Variants in IL1RAPL1 observed in about 807,000 individuals in gnomAD.
The protein encoded by IL1RAPL1 is interleukin-1 receptor accessory protein-like 1.
In IL1RAPL1, 3 loss-of-function variants were observed where a neutral mutation model predicts 48.4. The observed-to-expected ratio is 0.06, with a 90% CI of 0.03 to 0.16. The LOEUF (loss-of-function observed/expected upper bound fraction) is 0.16. IL1RAPL1 is among the 10% of genes least tolerant of loss of function. The probability of loss-of-function intolerance (pLI) is 1.00; values close to 1 mark genes in which losing one functional copy is unlikely to be tolerated. For synonymous variants in IL1RAPL1, 185 were observed against 187.7 expected (o/e 0.99, Z 0.12); for missense variants, 349 against 530.6 (o/e 0.66, Z 3.36).
intron 2 of IL1RAPL1, among the ~76,000 whole-genome samples, chrX:29,260,532 G>A (rs181501883): frequency 4.5e-5 from 5 of 111,404 alleles, no homozygotes; most frequent in East Asian, 5.7e-4. Flanking sequence ...GAGGGAAACC[G>A]CCCCTATGAT....
chrX:29,200,576 A>G (rs1051581841), intron 2 of IL1RAPL1, among the ~76,000 whole-genome samples: 3 of 111,135 alleles, frequency 2.7e-5, no homozygotes, highest in African/African-American at 9.8e-5. Context: ...GTTTGCAGGT[A>G]CTCCATTTTT....
chrX:29,925,421 T>TTTTG (rs1363851707), intron 8 of IL1RAPL1, among the ~76,000 whole-genome samples: 1 of 20,144 alleles, frequency 5.0e-5, no homozygotes, highest in Non-Finnish European at 9.7e-5. Context: ...TGTTTTTTTT[T>TTTTG]TTTTTTTTTT....
intron 6 of IL1RAPL1, among the ~76,000 whole-genome samples, chrX:29,718,530 A>G (rs1392143382): frequency 9.4e-6 from 1 of 106,808 alleles, no homozygotes; most frequent in Non-Finnish European, 1.9e-5. Flanking sequence ...GGGTGCAGCT[A>G]ACCACCAGGG....
rs143205173 is a variant in IL1RAPL1, at chrX:29,533,830, T to G, written c.703+134522T>G. On this transcript the variant is annotated intron_variant, in intron 5 of 10. Coordinates refer to ENST00000378993, the MANE Select transcript of IL1RAPL1 (RefSeq NM_014271.4). ...TGTTTCATACTATCTTAGCTTATTT[T>G]CATAGATAATCCATTTGCTAGAGTT... Among the ~76,000 whole-genome samples, 831 of 112,044 alleles carry G rather than the reference T, an allele frequency of 7.4e-3. 6 individuals are homozygous for G. Among genetic ancestry groups the G allele is most frequent in the African/African-American group, 0.025 (782 of 30,810 alleles).
intron 8 of IL1RAPL1, among the ~76,000 whole-genome samples, chrX:29,930,377 C>T (rs1186648791): frequency 8.9e-6 from 1 of 111,966 alleles, no homozygotes; most frequent in South Asian, 3.7e-4. Flanking sequence ...GCAAACCACA[C>T]TGGACAAATT....
At chrX:28,982,786 G>C (rs768970805) in intron 2 of IL1RAPL1, 1 of 111,129 alleles carries the variant, frequency 9.0e-6, no homozygotes, top group Non-Finnish European at 1.9e-5. Context: ...CTTGTCCAAA[G>C]TTCTTAAACG....
intron 2 of IL1RAPL1, among the ~76,000 whole-genome samples, chrX:29,280,294 C>T (rs1932180934): frequency 8.9e-6 from 1 of 111,896 alleles, no homozygotes; most frequent in Non-Finnish European, 1.9e-5. Context: ...GGAATTATGA[C>T]AATGACTCAG....
intron 6 of IL1RAPL1, among the ~76,000 whole-genome samples, chrX:29,678,921 GAGTGA>G (rs1266504710): frequency 9.0e-6 from 1 of 111,284 alleles, no homozygotes; most frequent in Non-Finnish European, 1.9e-5. Flanking sequence ...GAGTCCAAGA[GAGTGA>G]ATAATTTTCT....
chrX:28,688,633 T>A (rs1038836221), intron 1 of IL1RAPL1, among the ~76,000 whole-genome samples: 3 of 112,050 alleles, frequency 2.7e-5, no homozygotes, highest in Non-Finnish European at 3.8e-5. Context: ...TTAGAGGGGC[T>A]CTGGGGCTTG....
intron 1 of IL1RAPL1, among the ~76,000 whole-genome samples, chrX:28,743,373 A>T (rs754707839): frequency 8.1e-5 from 9 of 111,710 alleles, no homozygotes; most frequent in Non-Finnish European, 1.7e-4. Context: ...GACTTTTCCG[A>T]AACATAATTT....
chrX:29,305,836 A>G (rs182711300), intron 3 of IL1RAPL1, among the ~76,000 whole-genome samples: 2 of 112,227 alleles, frequency 1.8e-5, no homozygotes, highest in South Asian at 3.7e-4. Flanking sequence ...AATTTGAGCC[A>G]TGAGATGTGT....
At chrX:29,093,017 G>A (rs1193447766) in intron 2 of IL1RAPL1, among the ~76,000 whole-genome samples, 1 of 111,602 alleles carries the variant, frequency 9.0e-6, no homozygotes, top group Non-Finnish European at 1.9e-5. Context: ...AGTCATTACT[G>A]CCATGTTGCT....
intron 9 of IL1RAPL1, among the ~76,000 whole-genome samples, chrX:29,952,766 A>G (rs968127624): frequency 8.9e-6 from 1 of 112,280 alleles, no homozygotes; most frequent in Non-Finnish European, 1.9e-5. Context: ...GAAATGCCAA[A>G]ATATGACACA....
chrX:29,437,799 A>G (rs910461848), intron 5 of IL1RAPL1, among the ~76,000 whole-genome samples: 2 of 110,473 alleles, frequency 1.8e-5, no homozygotes, highest in Non-Finnish European at 3.8e-5. Context: ...CTTCTTTCAT[A>G]TATCACTCAA....
chrX:28,901,094 A>C (rs960052023), intron 2 of IL1RAPL1, among the ~76,000 whole-genome samples: 1 of 111,974 alleles, frequency 8.9e-6, no homozygotes, highest in Non-Finnish European at 1.9e-5. Context: ...AGCGAGTAAC[A>C]AAACAATGGA....
At chrX:29,371,156 G>A (rs1388425021) in intron 3 of IL1RAPL1, among the ~76,000 whole-genome samples, 1 of 69,530 alleles carries the variant, frequency 1.4e-5, no homozygotes, top group Non-Finnish European at 2.5e-5. Context: ...TTTTGAGACA[G>A]AGTCTTACTC....
At chrX:28,851,618 G>A (rs184447690) in intron 2 of IL1RAPL1, among the ~76,000 whole-genome samples, 2 of 111,642 alleles carry the variant, frequency 1.8e-5, no homozygotes, top group African/African-American at 6.5e-5. Flanking sequence ...AGTTACCATC[G>A]AAGGAGCAGC....
Position 29,430,430 on chromosome X carries a change from T to TG in IL1RAPL1, c.703+31125dup, listed in dbSNP as rs758401795. ...GTTTCTGACTGTGTATAGGAGAAAA[T>TG]GGGTCCTCAGATTTCCACCACAGGG... On this transcript the variant is annotated intron_variant, in intron 5 of 10. Coordinates refer to ENST00000378993, the MANE Select transcript of IL1RAPL1 (RefSeq NM_014271.4). Among the ~76,000 whole-genome samples the TG allele has an allele frequency of 4.5e-5, 5 of 111,695 alleles. No individual in the cohort carries two copies. The South Asian group carries it at 1.5e-3, about 33-fold the overall frequency.
chrX:29,303,134 G>A (rs1474635912), intron 3 of IL1RAPL1, among the ~76,000 whole-genome samples: 3 of 111,653 alleles, frequency 2.7e-5, no homozygotes, highest in African/African-American at 9.8e-5. Context: ...AAAGCCATCA[G>A]ACTGAGGGTG....
Sources: gnomAD v4.1 joint callset for allele counts (sites outside exome capture counted in the v4.1 genomes callset) on GRCh38, gnomAD v4.1.1 for gene constraint, MANE v1.5 for transcripts, NCBI Gene and HGNC (gene_info 2026-07-23, HGNC 2026-07-21) for gene names.